Variants in CCDC60 observed in about 807,000 individuals in gnomAD.
CCDC60 encodes coiled-coil domain containing 60.
A neutral mutation model predicts 63.5 loss-of-function variants in CCDC60; 54 were observed. The observed-to-expected ratio is 0.85, with a 90% CI of 0.68 to 1.07. CCDC60 has a LOEUF of 1.07. CCDC60 is among the 50% of genes least tolerant of loss of function. The pLI, the probability that CCDC60 is intolerant of heterozygous loss-of-function variation, is 0.00. For missense variants in CCDC60, 651 were observed against 684.3 expected, an observed-to-expected ratio of 0.95 and a Z score of 0.54; for synonymous variants, 206 against 238.8, an observed-to-expected ratio of 0.86 and a Z score of 1.27.
At chr12:119,518,643 A>G (rs1476427459) in intron 8 of CCDC60, among the ~76,000 whole-genome samples, 4 of 152,128 alleles carry the variant, frequency 2.6e-5, no homozygotes, top group Non-Finnish European at 4.4e-5. Context: ...ACTTAATCAG[A>G]TAATGCATTT....
chr12:119,523,751 G>A lies in CCDC60; in HGVS notation c.1162G>A (p.Ala388Thr), dbSNP rs1952597151. ...GAGTGGGGTGTGTAACACCATGAGG[G>A]CCAAGTTTTACAGCGTAGCCCAGGA... is the stretch of plus-strand genomic sequence containing the variant. ...YKSGVCNTMR[A>T]KFYSVAQEAG... The change falls in exon 11 of 14, where the codon GCC becomes ACC. Residue 388 changes from alanine to threonine, a missense_variant. By Grantham distance (58) the Ala-to-Thr change is moderately conservative (BLOSUM62 0). Transcript: ENST00000327554. 6.2e-7 allele frequency: 1 copy of A among 1,614,184 alleles called. No homozygotes were observed.
chr12:119,357,402 C>CA (rs905359448), intron 1 of CCDC60, among the ~76,000 whole-genome samples: 1 of 152,110 alleles, frequency 6.6e-6, no homozygotes, highest in Non-Finnish European at 1.5e-5. Context: ...CCAACACCCA[C>CA]ACCCATATCT....
intron 2 of CCDC60, among the ~76,000 whole-genome samples, chr12:119,448,134 A>G (rs1002074488): frequency 6.6e-6 from 1 of 152,016 alleles, no homozygotes; most frequent in Non-Finnish European, 1.5e-5. Flanking sequence ...TTTACTGTAT[A>G]CTTGACATTT....
intron 4 of CCDC60, among the ~76,000 whole-genome samples, chr12:119,480,043 C>T (rs1951270929): frequency 6.7e-6 from 1 of 148,524 alleles, no homozygotes; most frequent in African/African-American, 2.5e-5. Flanking sequence ...CACACACACA[C>T]ACTCCACATT....
intron 1 of CCDC60, among the ~76,000 whole-genome samples, chr12:119,349,146 T>C (rs1281697932): frequency 6.6e-6 from 1 of 152,086 alleles, no homozygotes; most frequent in Non-Finnish European, 1.5e-5. Context: ...CTCAACAAGG[T>C]AAACTTGACT....
At chr12:119,483,340 T>G (rs1044157461) in intron 4 of CCDC60, among the ~76,000 whole-genome samples, 6 of 152,242 alleles carry the variant, frequency 3.9e-5, no homozygotes, top group African/African-American at 1.4e-4. Flanking sequence ...CTTCAGTCCC[T>G]GTGTGATCGA....
chr12:119,508,965 G>C (rs1952132518), intron 7 of CCDC60, among the ~76,000 whole-genome samples: 1 of 152,116 alleles, frequency 6.6e-6, no homozygotes, highest in Non-Finnish European at 1.5e-5. Context: ...ACTGGCGCTG[G>C]TGGCAGAAGG....
At chr12:119,414,351 C>CT (rs1261068094) in intron 1 of CCDC60, among the ~76,000 whole-genome samples, 1 of 152,056 alleles carries the variant, frequency 6.6e-6, no homozygotes, top group Non-Finnish European at 1.5e-5. Context: ...GCCATCCTCA[C>CT]TGTGTGTCTC....
In CCDC60 at chr12:119,520,250, G is replaced by A. The variant is rs565882967; in HGVS notation, c.1040+58G>A. On this transcript the variant is annotated intron_variant, in intron 9 of 13. Transcript: ENST00000327554. The stretch of plus-strand genomic sequence containing the variant: ...CCGAAGGCAGCCCACACTTACAGGG[G>A]CCACTGCAGGGATGCTCCTCCCCAG... 79 of 1,445,334 alleles carry A rather than the reference G, an allele frequency of 5.5e-5. No homozygotes were observed. In the South Asian group the frequency reaches 8.9e-4, roughly 16 times the overall value. 89.5% of individuals were successfully genotyped at this position (1,445,334 alleles called of 1,614,324 possible).
intron 1 of CCDC60, among the ~76,000 whole-genome samples, chr12:119,406,774 C>G (rs565710187): frequency 4.2e-4 from 64 of 152,184 alleles, no homozygotes; most frequent in Admixed American, 1.1e-3. Context: ...CCAGCCCCAC[C>G]CACTTACCTA....
chr12:119,531,108 A>T, intron 13 of CCDC60, 45 bp downstream of exon 13: 1 of 1,534,524 alleles, frequency 6.5e-7, no homozygotes, highest in Non-Finnish European at 9.0e-7. Context: ...AGGTGTCCTC[A>T]TTCAATCACC....
At chr12:119,464,908 C>T (rs963175359) in intron 2 of CCDC60, among the ~76,000 whole-genome samples, 1 of 152,218 alleles carries the variant, frequency 6.6e-6, no homozygotes, top group Non-Finnish European at 1.5e-5. Context: ...TCAATTGTGT[C>T]CTCCCCAAAT....
chr12:119,537,392 C>A (rs967079594), intron 13 of CCDC60, among the ~76,000 whole-genome samples: 1 of 152,160 alleles, frequency 6.6e-6, no homozygotes, highest in Non-Finnish European at 1.5e-5. Context: ...TTATTACCGA[C>A]CTTCTGAAGC....
intron 5 of CCDC60, among the ~76,000 whole-genome samples, chr12:119,494,420 C>T (rs1951670002): frequency 6.6e-6 from 1 of 152,168 alleles, no homozygotes; most frequent in South Asian, 2.1e-4. Flanking sequence ...CCCCTGGTGC[C>T]ACAGGGGCAG....
intron 1 of CCDC60, among the ~76,000 whole-genome samples, chr12:119,380,753 C>T (rs915421083): frequency 5.3e-5 from 8 of 152,198 alleles, no homozygotes; most frequent in African/African-American, 1.9e-4. Context: ...TGTTGCTCTT[C>T]CTTTTAACAG....
rs377521515 is a variant in CCDC60, at chr12:119,486,052, T to C, written c.450-2707T>C. ...CAAAACAGAAGAACCCATAGGCCTC[T>C]CCCCCGGCCTCTCACAACCTCCTAG... On this transcript the variant is annotated intron_variant, in intron 4 of 13. Transcript: ENST00000327554. Among the ~76,000 whole-genome samples the C allele has an allele frequency of 2.0e-5, 3 of 152,136 alleles. No individual in the cohort carries two copies. In the East Asian group the frequency reaches 5.8e-4, roughly 30 times the overall value.
In CCDC60 at chr12:119,428,709, C is replaced by T; in HGVS notation, c.117C>T (p.Ile39=). ...TCCCAGACAAGCCAATGAAGAGCATCAAGTATATGGACAAGGAAATAATAA... is the reference window on the plus strand; with the variant it reads ...TCCCAGACAAGCCAATGAAGAGCATTAAGTATATGGACAAGGAAATAATAA... ...RQVPDKPMKS[I]KYMDKEIINL... Residue 39 remains isoleucine (I), a synonymous_variant, in exon 2 of 14, where the codon ATC becomes ATT. Transcript: ENST00000327554. The T allele has an allele frequency of 6.2e-7, 1 of 1,607,224 alleles. No homozygotes were observed. Among genetic ancestry groups the T allele is most frequent in the Non-Finnish European group, 8.5e-7 (1 of 1,175,732 alleles).
intron 1 of CCDC60, among the ~76,000 whole-genome samples, chr12:119,392,830 G>A (rs775662304): frequency 6.6e-6 from 1 of 152,068 alleles, no homozygotes; most frequent in Non-Finnish European, 1.5e-5. Flanking sequence ...CCTGACCCTG[G>A]GTCTCGTGTT....
At chr12:119,451,099 G>A (rs1467835267) in intron 2 of CCDC60, among the ~76,000 whole-genome samples, 1 of 152,152 alleles carries the variant, frequency 6.6e-6, no homozygotes, top group Non-Finnish European at 1.5e-5. Flanking sequence ...TCAGCCCCAT[G>A]GTGGGCAGAG....
Sources: gnomAD v4.1 joint callset for allele counts (sites outside exome capture counted in the v4.1 genomes callset) on GRCh38, gnomAD v4.1.1 for gene constraint, MANE v1.5 for transcripts, NCBI Gene and HGNC (gene_info 2026-07-23, HGNC 2026-07-21) for gene names.